The following KIF16B variants were observed in gnomAD, a reference collection of about 807,000 sequenced individuals.
KIF16B encodes the protein kinesin family member 16B, also known as kinesin-like protein KIF16B.
A neutral mutation model predicts 156.3 loss-of-function variants in KIF16B; 98 were observed. That is an observed-to-expected ratio of 0.63 (90% CI 0.53 to 0.74). The LOEUF (loss-of-function observed/expected upper bound fraction) is 0.74. Ranked by LOEUF, KIF16B falls within the 30% of genes least tolerant of loss-of-function variation. The pLI is 0.00. For synonymous variants in KIF16B, 564 were observed against 583.7 expected (o/e 0.97, Z 0.49); for missense variants, 1,421 against 1,606.5 (o/e 0.88, Z 1.97).
chr20:16,515,464 G>C (rs1233319689), intron 4 of KIF16B, 84 bp downstream of exon 4: 3 of 756,632 alleles, frequency 4.0e-6, no homozygotes, highest in Non-Finnish European at 6.9e-6. Context: ...AGTTAGTACA[G>C]ACCAAATAGA....
intron 12 of KIF16B, among the ~76,000 whole-genome samples, chr20:16,466,110 T>C (rs1023722823): frequency 6.6e-6 from 1 of 152,226 alleles, no homozygotes; most frequent in Non-Finnish European, 1.5e-5. Context: ...TAAATTATTA[T>C]AATGGGCAAA....
intron 1 of KIF16B, 80 bp downstream of exon 1, chr20:16,573,149 C>T: frequency 7.2e-7 from 1 of 1,381,690 alleles, no homozygotes; most frequent in Non-Finnish European, 1.0e-6. Context: ...TAAGTCCAGG[C>T]TGGCTTTGGG....
chr20:16,280,746 G>C (rs1281909908), intron 25 of KIF16B, among the ~76,000 whole-genome samples: 1 of 152,212 alleles, frequency 6.6e-6, no homozygotes, highest in East Asian at 1.9e-4. Context: ...CCGTAAGCCT[G>C]AAATGTAACA....
chr20:16,501,137 G>A (rs1445556021), intron 10 of KIF16B, among the ~76,000 whole-genome samples: 3 of 152,090 alleles, frequency 2.0e-5, no homozygotes, highest in Admixed American at 1.3e-4. Context: ...TATGATTCTG[G>A]TATATATCCA....
rs2069535049 is a variant in KIF16B at position 16,526,151 on chromosome 20, AGGTGAAGGTCTT to A, written c.160_171del (p.Lys54_Thr57del). The stretch of plus-strand genomic sequence containing the variant: ...TCAGCAGAATAAAAAGAAAAGTCAT[AGGTGAAGGTCTT>A]GGTCCGTTCTCTTCCTGAGTCCCCA... On this transcript the variant is annotated inframe_deletion, in exon 3 of 26. Coordinates refer to ENST00000354981, the MANE Select transcript of KIF16B (RefSeq NM_024704.5). 1.2e-6 allele frequency: 2 copies of A among 1,610,780 alleles called. No homozygotes were observed. The highest frequency in any genetic ancestry group is 1.7e-6 in the Non-Finnish European group (2 of 1,178,444).
At chr20:16,514,251 A>C (rs1459292526) in intron 4 of KIF16B, among the ~76,000 whole-genome samples, 1 of 152,096 alleles carries the variant, frequency 6.6e-6, no homozygotes, top group East Asian at 1.9e-4. Flanking sequence ...AGAAGTAATG[A>C]TAAAAGGAAA....
intron 12 of KIF16B, among the ~76,000 whole-genome samples, chr20:16,465,048 G>A (rs568466225): frequency 6.6e-6 from 1 of 152,284 alleles, no homozygotes; most frequent in African/African-American, 2.4e-5. Flanking sequence ...GATGCTTCAT[G>A]CAGGTTCTCA....
intron 15 of KIF16B, among the ~76,000 whole-genome samples, chr20:16,419,294 A>G (rs1043373473): frequency 2.0e-5 from 3 of 152,172 alleles, no homozygotes; most frequent in Non-Finnish European, 2.9e-5. Context: ...GGTCAAGTGC[A>G]GGTGAGTCAG....
intron 12 of KIF16B, among the ~76,000 whole-genome samples, chr20:16,463,534 C>T (rs1038779438): frequency 3.9e-5 from 6 of 151,950 alleles, no homozygotes; most frequent in South Asian, 2.1e-4. Context: ...AATTCCAGAG[C>T]GCCACAGTTT....
At chr20:16,483,796 C>A (rs1455080951) in intron 12 of KIF16B, among the ~76,000 whole-genome samples, 2 of 152,078 alleles carry the variant, frequency 1.3e-5, no homozygotes, top group African/African-American at 4.8e-5. Flanking sequence ...CTCCTTGCTC[C>A]CTGGCTCACT....
intron 25 of KIF16B, among the ~76,000 whole-genome samples, chr20:16,277,439 TCTG>T (rs1159526126): frequency 6.9e-6 from 1 of 145,568 alleles, no homozygotes; most frequent in African/African-American, 2.6e-5. Context: ...GTACTTGAAC[TCTG>T]CTATTTTATG....
intron 12 of KIF16B, among the ~76,000 whole-genome samples, chr20:16,447,791 CCCTG>C: frequency 6.6e-6 from 1 of 152,038 alleles, no homozygotes; most frequent in African/African-American, 2.4e-5. Flanking sequence ...ATGGGCCATA[CCCTG>C]AGGAGTTTTA....
chr20:16,291,347 C>A (rs1190650722), intron 25 of KIF16B, among the ~76,000 whole-genome samples: 2 of 152,094 alleles, frequency 1.3e-5, no homozygotes, highest in Admixed American at 6.5e-5. Context: ...TGAGAAGTTG[C>A]TGTAGACAAA....
intron 25 of KIF16B, among the ~76,000 whole-genome samples, chr20:16,278,193 A>G (rs1384332282): frequency 6.6e-6 from 1 of 152,164 alleles, no homozygotes; most frequent in Non-Finnish European, 1.5e-5. Flanking sequence ...ACAGGGGGCC[A>G]CAGAGAGACA....
chr20:16,327,236 A>G (rs1249699515), intron 24 of KIF16B, among the ~76,000 whole-genome samples: 1 of 151,472 alleles, frequency 6.6e-6, no homozygotes, highest in East Asian at 2.0e-4. Context: ...CTCACTCATA[A>G]GTGGGAGCTA....
chr20:16,469,254 TAAAAAAA>T (rs57114751), intron 12 of KIF16B, among the ~76,000 whole-genome samples: 3 of 66,080 alleles, frequency 4.5e-5, no homozygotes, highest in Admixed American at 1.9e-4. Context: ...CCCTGTGTCT[TAAAAAAA>T]AAAAAAAAAA....
chr20:16,295,546 A>G (rs2063373408), intron 25 of KIF16B, among the ~76,000 whole-genome samples: 1 of 150,132 alleles, frequency 6.7e-6, no homozygotes, highest in Admixed American at 6.7e-5. Flanking sequence ...TTATATAATT[A>G]TATCTTATTA....
At chr20:16,371,513 C>T (rs1276518826) in intron 21 of KIF16B, 152 bp downstream of exon 21, 2 of 543,304 alleles carry the variant, frequency 3.7e-6, no homozygotes, top group Non-Finnish European at 6.5e-6. Flanking sequence ...GTTGTTTGAA[C>T]TGGGAGGTGG....
At chr20:16,446,655 A>C (rs1424767891) in intron 12 of KIF16B, among the ~76,000 whole-genome samples, 1 of 152,190 alleles carries the variant, frequency 6.6e-6, no homozygotes, top group Non-Finnish European at 1.5e-5. Context: ...TATATATGAA[A>C]CTACAGCTTC....
Sources: gnomAD v4.1 joint callset for allele counts (sites outside exome capture counted in the v4.1 genomes callset) on GRCh38, gnomAD v4.1.1 for gene constraint, MANE v1.5 for transcripts, NCBI Gene and HGNC (gene_info 2026-07-23, HGNC 2026-07-21) for gene names.